The following REV3L variants were observed in gnomAD, a reference collection of about 807,000 sequenced individuals.
The protein encoded by REV3L is DNA polymerase zeta catalytic subunit.
Under a neutral mutation model 299.4 loss-of-function variants are expected in REV3L, and 69 were observed. The ratio of observed to expected loss-of-function variants is 0.23; its 90% CI spans 0.19 to 0.28. The LOEUF (loss-of-function observed/expected upper bound fraction) is 0.28. REV3L is among the 10% of genes least tolerant of loss of function. The probability of loss-of-function intolerance (pLI) is 1.00; values close to 1 mark genes in which losing one functional copy is unlikely to be tolerated. For synonymous variants in REV3L, 1,238 were observed against 1,271.4 expected (o/e 0.97, Z 0.56); for missense variants, 3,128 against 3,693.8 (o/e 0.85, Z 3.97).
chr6:111,364,914 A>G lies in REV3L; in HGVS notation c.6753+351T>C, dbSNP rs1019945351. Among the ~76,000 whole-genome samples the G allele has an allele frequency of 3.9e-5, 6 of 152,024 alleles. 1 individual carries two copies. The South Asian group carries it at 6.2e-4, about 16-fold the overall frequency. ...AAAGTAATAAACCAAGAAAAAGGAT[A>G]TATTTTTGGTGGGATCAAAAATCAC... On this transcript the variant is annotated intron_variant, in intron 15 of 31. Coordinates refer to ENST00000368802, the MANE Select transcript of REV3L (RefSeq NM_001372078.1).
chr6:111,367,637 G>C lies in REV3L; in HGVS notation c.6151C>G (p.Pro2051Ala), dbSNP rs1376045924. 5 of 1,614,010 alleles carry C rather than the reference G, an allele frequency of 3.1e-6. No individual in the cohort carries two copies. In the East Asian group the frequency reaches 1.1e-4, roughly 36 times the overall value. ...ATACATGGACTTACATCCATTTTTG[G>C]AGGCACTACAGGTTTGTCATCTGGG... ...VNPDDKPVVP[P>A]KMDVSPCILP... Residue 2051 changes from proline (P) to alanine (A), a missense_variant, in exon 14 of 32, where the codon CCA (proline) becomes GCA (alanine). Pro to Ala is a conservative substitution (Grantham distance 27). This residue lies in a region of REV3L where 2,409 missense variants were observed against 2,611.8 expected (regional missense o/e 0.92). Transcript: ENST00000368802.
In REV3L at chr6:111,375,922, T is replaced by A. The variant is rs1243600620; in HGVS notation, c.2433A>T (p.Pro811=). Residue 811 remains proline, a synonymous_variant, in exon 13 of 32, where the codon CCA becomes CCT. Coordinates refer to ENST00000368802, the MANE Select transcript of REV3L (RefSeq NM_001372078.1). ...TATATGTGACAGGAGATAGTTTCTGTGGTCTAGTAAGACAGTTAGAAAGAA... is the reference window on the plus strand; with the variant it reads ...TATATGTGACAGGAGATAGTTTCTGAGGTCTAGTAAGACAGTTAGAAAGAA... ...SVVLSNCLTR[P]QKLSPVTYKL... The A allele has an allele frequency of 6.2e-7, 1 of 1,614,042 alleles. No individual in the cohort carries two copies. Among genetic ancestry groups the A allele is most frequent in the Admixed American group, 1.7e-5 (1 of 60,020 alleles).
intron 1 of REV3L, among the ~76,000 whole-genome samples, chr6:111,443,838 G>C (rs866669146): frequency 2.6e-5 from 4 of 152,200 alleles, no homozygotes; most frequent in Admixed American, 6.5e-5. Flanking sequence ...TTCATTTCAT[G>C]AAGGAATTTA....
At chr6:111,462,757 G>C (rs908927033) in intron 1 of REV3L, among the ~76,000 whole-genome samples, 1 of 152,126 alleles carries the variant, frequency 6.6e-6, no homozygotes, top group Non-Finnish European at 1.5e-5. Context: ...ACTTAGTAGA[G>C]ATGTGCTCAT....
chr6:111,437,704 G>A (rs1012718323), intron 1 of REV3L, among the ~76,000 whole-genome samples: 3 of 152,108 alleles, frequency 2.0e-5, no homozygotes, highest in Non-Finnish European at 4.4e-5. Context: ...TGGGAAATGA[G>A]TACTGACTGC....
chr6:111,313,976 C>T (rs1303365602), intron 27 of REV3L, among the ~76,000 whole-genome samples: 2 of 152,222 alleles, frequency 1.3e-5, no homozygotes, highest in African/African-American at 4.8e-5. Context: ...GGACGCAATT[C>T]CTCCTTTCCT....
intron 4 of REV3L, among the ~76,000 whole-genome samples, chr6:111,400,188 A>C (rs911223853): frequency 6.6e-6 from 1 of 152,214 alleles, no homozygotes; most frequent in South Asian, 2.1e-4. Context: ...AGTTATGAAT[A>C]AAGTTGCTAT....
At chr6:111,328,179 T>C (rs900271328) in intron 25 of REV3L, among the ~76,000 whole-genome samples, 2 of 152,224 alleles carry the variant, frequency 1.3e-5, no homozygotes, top group Non-Finnish European at 2.9e-5. Context: ...GTCACTATCA[T>C]TGCAAAAAAG....
At chr6:111,437,861 A>AT (rs1019123139) in intron 1 of REV3L, among the ~76,000 whole-genome samples, 12 of 149,864 alleles carry the variant, frequency 8.0e-5, no homozygotes, top group African/African-American at 1.5e-4. Context: ...AACTTACATA[A>AT]TTTTTTTTTT....
chr6:111,477,865 G>A (rs1793125589), intron 1 of REV3L, among the ~76,000 whole-genome samples: 1 of 152,182 alleles, frequency 6.6e-6, no homozygotes, highest in Non-Finnish European at 1.5e-5. Context: ...ACCAAGATTA[G>A]GAGGCTACTG....
At chr6:111,336,807 A>T (rs1775932585) in intron 21 of REV3L, among the ~76,000 whole-genome samples, 1 of 152,228 alleles carries the variant, frequency 6.6e-6, no homozygotes, top group Non-Finnish European at 1.5e-5. Context: ...AATAAAATGC[A>T]GTATATATCC....
intron 4 of REV3L, among the ~76,000 whole-genome samples, chr6:111,397,255 T>C (rs1379927327): frequency 1.3e-5 from 2 of 152,142 alleles, no homozygotes; most frequent in Non-Finnish European, 2.9e-5. Context: ...TGCTATAAAC[T>C]TACCTCTTAG....
In REV3L at chr6:111,358,994, G is replaced by A. The variant is rs1483557715; in HGVS notation, c.6900C>T (p.Ile2300=). Residue 2300 remains isoleucine (I), a synonymous_variant, in exon 17 of 32, where the codon ATC becomes ATT. Coordinates refer to ENST00000368802, the MANE Select transcript of REV3L (RefSeq NM_001372078.1). ...ALHEIQNLTL[I]SVELHARTRR... is the part of the protein sequence containing the mutation. ...TAGTTCGAGCATGCAACTCCACACT[G>A]ATTAGGGTAAGATTTTGTATCTATA... is the stretch of plus-strand genomic sequence containing the variant. 6.2e-7 allele frequency: 1 copy of A among 1,612,144 alleles called. No homozygotes were observed. The highest frequency in any genetic ancestry group is 8.5e-7 in the Non-Finnish European group (1 of 1,179,312).
intron 4 of REV3L, among the ~76,000 whole-genome samples, chr6:111,395,163 T>C (rs963402488): frequency 2.0e-5 from 3 of 152,230 alleles, no homozygotes; most frequent in African/African-American, 7.2e-5. Context: ...ACTGTTCTTT[T>C]TGCTCAGGAT....
chr6:111,375,043 A>C lies in REV3L; in HGVS notation c.3312T>G (p.Ser1104Arg), dbSNP rs771416191. ...GAAAACCTAGTTTAGACATAACATC[A>C]CTATAATTCAGGTCACAATCTTCGG... ...AETEDCDLNY[S>R]DVMSKLGFLS... Residue 1104 changes from serine to arginine, a missense_variant, in exon 13 of 32, where the codon AGT becomes AGG. By Grantham distance (110) the Ser-to-Arg change is moderately radical. Coordinates refer to ENST00000368802, the MANE Select transcript of REV3L (RefSeq NM_001372078.1). 6.2e-7 allele frequency: 1 copy of C among 1,614,028 alleles called. No individual in the cohort carries two copies. Among genetic ancestry groups the C allele is most frequent in the South Asian group, 1.1e-5 (1 of 91,036 alleles).
intron 3 of REV3L, among the ~76,000 whole-genome samples, chr6:111,409,516 T>C (rs1463261278): frequency 6.6e-6 from 1 of 152,116 alleles, no homozygotes; most frequent in African/African-American, 2.4e-5. Flanking sequence ...ATAATAAAGA[T>C]CTTAGTATTT....
rs150303561 is a variant in REV3L at position 111,374,023 on chromosome 6, C to T, written c.4332G>A (p.Pro1444=). Reference sequence around the variant, plus strand: ...GGCTTTCCTCTGAAGCTGTATTTCCCGGAGAACAAGTTTCACTGTGCTTTG... The same window carrying T: ...GGCTTTCCTCTGAAGCTGTATTTCCTGGAGAACAAGTTTCACTGTGCTTTG... ...EQSKHSETCS[P]GNTASEESQM... The change falls in exon 13 of 32, where the codon CCG becomes CCA. Residue 1444 remains proline (P), a synonymous_variant. Transcript: ENST00000368802. 381 of 1,613,974 alleles carry T rather than the reference C, an allele frequency of 2.4e-4. No homozygotes were observed. Among genetic ancestry groups the T allele is most frequent in the South Asian group, 3.1e-4 (28 of 91,074 alleles).
chr6:111,476,621 T>C (rs1430387434), intron 1 of REV3L, among the ~76,000 whole-genome samples: 1 of 151,852 alleles, frequency 6.6e-6, no homozygotes, highest in Non-Finnish European at 1.5e-5. Context: ...TATATTTAAG[T>C]TAATTCTAGT....
rs1786918647 is a variant in REV3L at position 111,431,463 on chromosome 6, G to C, written c.140-14991C>G. 5.7e-6 allele frequency: 6 copies of C among 1,050,998 alleles called. No individual in the cohort carries two copies. The Admixed American group carries it at 1.0e-4, about 18-fold the overall frequency. The allele number at this position is 1,050,998 out of a possible 1,614,324, so 65.1% of individuals were successfully genotyped here. On this transcript the variant is annotated intron_variant, in intron 1 of 31. Coordinates refer to ENST00000368802, the MANE Select transcript of REV3L (RefSeq NM_001372078.1). ...AGCTGAAATATTCCAGAAGAAACTTGATGAGACCACCAGATTGCTCAGGGA... is the reference window on the plus strand; with the variant it reads ...AGCTGAAATATTCCAGAAGAAACTTCATGAGACCACCAGATTGCTCAGGGA...
Sources: allele counts gnomAD v4.1 joint callset (sites outside exome capture counted in the v4.1 genomes callset), GRCh38; gene constraint gnomAD v4.1.1; regional missense constraint gnomAD v4.1.1; transcripts MANE v1.5; gene names NCBI Gene and HGNC (gene_info 2026-07-23, HGNC 2026-07-21).